The following GLIS3 variants were observed in gnomAD, a reference collection of about 807,000 sequenced individuals.
The protein encoded by GLIS3 is zinc finger protein GLIS3.
In GLIS3, 53 loss-of-function variants were observed where a neutral mutation model predicts 78.6. That is an observed-to-expected ratio of 0.67 (90% CI 0.54 to 0.85). GLIS3 has a LOEUF of 0.85. GLIS3 is among the 40% of genes least tolerant of loss of function. The pLI is 0.00. For synonymous variants in GLIS3, 684 were observed against 509.9 expected, an observed-to-expected ratio of 1.34 and a Z score of -4.60; for missense variants, 1,703 against 1,231.1, an observed-to-expected ratio of 1.38 and a Z score of -5.74.
At chr9:4,066,039 T>TTAAAAAAAAA (rs796825355) in intron 4 of GLIS3, among the ~76,000 whole-genome samples, 1 of 133,332 alleles carries the variant, frequency 7.5e-6, no homozygotes, top group Non-Finnish European at 1.6e-5. Context: ...CCAAAGAATA[T>TTAAAAAAAAA]AAAAAAAAAA....
At chr9:4,431,906 C>A in the GLIS3 span, among the ~76,000 whole-genome samples, 3 of 151,278 alleles carry the variant, frequency 2.0e-5, no homozygotes, top group Non-Finnish European at 4.4e-5. Context: ...CCTATGGTCT[C>A]TGTCACAACT....
intron 6 of GLIS3, among the ~76,000 whole-genome samples, chr9:3,918,014 T>C (rs1442048695): frequency 6.6e-6 from 1 of 152,214 alleles, no homozygotes; most frequent in African/African-American, 2.4e-5. Context: ...AAGGAACGTC[T>C]ATCAAATCAT....
intron 2 of GLIS3, among the ~76,000 whole-genome samples, chr9:4,265,450 TGG>T (rs1825908338): frequency 6.6e-6 from 1 of 151,970 alleles, no homozygotes; most frequent in Non-Finnish European, 1.5e-5. Flanking sequence ...AGGACAGAAC[TGG>T]GATTCAATCT....
chr9:4,067,445 T>C (rs958693249), intron 4 of GLIS3, among the ~76,000 whole-genome samples: 3 of 151,630 alleles, frequency 2.0e-5, no homozygotes, highest in Non-Finnish European at 2.9e-5. Context: ...TTTATAGGAG[T>C]GAACAAGGAG....
chr9:4,184,219 C>G (rs974967057), intron 2 of GLIS3, among the ~76,000 whole-genome samples: 3 of 152,146 alleles, frequency 2.0e-5, no homozygotes, highest in Non-Finnish European at 2.9e-5. Context: ...GAGGGCATGG[C>G]TTAAGCACAA....
At chr9:4,209,214 C>T (rs7045839) in intron 2 of GLIS3, among the ~76,000 whole-genome samples, 1 of 151,882 alleles carries the variant, frequency 6.6e-6, no homozygotes, top group Admixed American at 6.5e-5. Flanking sequence ...CACTCAAAGA[C>T]GTAAAATTAC....
chr9:4,140,174 A>C (rs1833702452), intron 2 of GLIS3, among the ~76,000 whole-genome samples: 2 of 152,156 alleles, frequency 1.3e-5, no homozygotes, highest in African/African-American at 4.8e-5. Context: ...AAATACAAAA[A>C]TTAGCCAGGC....
intron 4 of GLIS3, among the ~76,000 whole-genome samples, chr9:4,064,987 T>A (rs1282384201): frequency 6.6e-6 from 1 of 152,180 alleles, no homozygotes; most frequent in East Asian, 1.9e-4. Flanking sequence ...CAAACAGGCT[T>A]GAAAATTAAA....
At chr9:4,050,076 G>A (rs11790884) in intron 4 of GLIS3, among the ~76,000 whole-genome samples, 1 of 151,984 alleles carries the variant, frequency 6.6e-6, no homozygotes, top group Non-Finnish European at 1.5e-5. Context: ...AATACCATTT[G>A]ACCCAGCCAT....
chr9:4,322,048 G>A (rs1022070066), intron 2 of GLIS3, among the ~76,000 whole-genome samples: 1 of 151,988 alleles, frequency 6.6e-6, no homozygotes. Context: ...CCCACGACAG[G>A]CCCTGGTGTG....
chr9:4,359,691 G>T, the GLIS3 span, among the ~76,000 whole-genome samples: 1 of 152,138 alleles, frequency 6.6e-6, no homozygotes, highest in Admixed American at 6.5e-5. Flanking sequence ...TGGTAACATT[G>T]CCTGCATTGG....
At chr9:4,294,236 C>G (rs766528655) in intron 1 of GLIS3, among the ~76,000 whole-genome samples, 1 of 152,156 alleles carries the variant, frequency 6.6e-6, no homozygotes, top group South Asian at 2.1e-4. Flanking sequence ...GGGCCAGGTG[C>G]GGTGGCTCAC....
intron 2 of GLIS3, among the ~76,000 whole-genome samples, chr9:4,315,146 G>C (rs1190835097): frequency 6.6e-6 from 1 of 152,172 alleles, no homozygotes; most frequent in Non-Finnish European, 1.5e-5. Flanking sequence ...TCTAATTTTG[G>C]ATCTCAGTTA....
intron 2 of GLIS3, among the ~76,000 whole-genome samples, chr9:4,164,500 T>A (rs1265593126): frequency 6.6e-6 from 1 of 152,170 alleles, no homozygotes; most frequent in Non-Finnish European, 1.5e-5. Flanking sequence ...ACGACAGGGA[T>A]AAGAGGTAGG....
intron 4 of GLIS3, among the ~76,000 whole-genome samples, chr9:4,098,547 G>C (rs1186632220): frequency 6.6e-6 from 1 of 152,164 alleles, no homozygotes; most frequent in Non-Finnish European, 1.5e-5. Context: ...AGATTAATTG[G>C]ATGGGAACTA....
chr9:3,865,027 TG>T (rs1274560682), intron 8 of GLIS3, among the ~76,000 whole-genome samples: 1 of 152,136 alleles, frequency 6.6e-6, no homozygotes, highest in East Asian at 1.9e-4. Flanking sequence ...AATGTCCAGC[TG>T]GATATTATAT....
At chr9:4,065,835 T>C (rs1275337028) in intron 4 of GLIS3, among the ~76,000 whole-genome samples, 1 of 152,126 alleles carries the variant, frequency 6.6e-6, no homozygotes, top group East Asian at 1.9e-4. Flanking sequence ...TGAGATGATA[T>C]CACACAGTTC....
intron 4 of GLIS3, chr9:4,071,952 G>A (rs7870442): frequency 0.53 from 80,404 of 152,028 alleles, 23,206 homozygotes; most frequent in African/African-American, 0.76. Context: ...AAGGCAACAG[G>A]TAACACTGAC....
intron 2 of GLIS3, among the ~76,000 whole-genome samples, chr9:4,141,020 G>C (rs1239120204): frequency 2.0e-5 from 3 of 152,130 alleles, no homozygotes; most frequent in African/African-American, 7.2e-5. Context: ...GGCTGGTCTC[G>C]AACTCCTCAC....
Sources: allele counts gnomAD v4.1 joint callset (sites outside exome capture counted in the v4.1 genomes callset), GRCh38; gene constraint gnomAD v4.1.1; transcripts MANE v1.5; gene names NCBI Gene and HGNC (gene_info 2026-07-23, HGNC 2026-07-21).